DIP2C: variants seen among roughly 807,000 people sequenced by gnomAD.
The protein encoded by DIP2C is disco-interacting protein 2 homolog C.
In DIP2C, 33 loss-of-function variants were observed where a neutral mutation model predicts 192.4. The observed-to-expected ratio is 0.17, with a 90% CI of 0.13 to 0.23. The LOEUF (loss-of-function observed/expected upper bound fraction) is 0.23. DIP2C is among the 10% of genes least tolerant of loss of function. DIP2C has a pLI of 1.00. For missense variants in DIP2C, 1,537 were observed against 2,110.1 expected, an observed-to-expected ratio of 0.73 and a Z score of 5.32; for synonymous variants, 979 against 864.1, an observed-to-expected ratio of 1.13 and a Z score of -2.33.
chr10:414,421 G>T (rs1396130719), intron 7 of DIP2C, among the ~76,000 whole-genome samples: 4 of 152,180 alleles, frequency 2.6e-5, no homozygotes, highest in Non-Finnish European at 5.9e-5. Flanking sequence ...AAACAGCCAT[G>T]CTGAAATTTC....
chr10:386,794 C>T (rs765391618), intron 14 of DIP2C, among the ~76,000 whole-genome samples: 47 of 152,228 alleles, frequency 3.1e-4, no homozygotes, highest in Non-Finnish European at 6.2e-4. Context: ...GAAGCTTCAG[C>T]GTAAGAAATT....
rs1237777869 is a variant in DIP2C at position 447,970 on chromosome 10, C to T, written c.269-6974G>A. Among the ~76,000 whole-genome samples the T allele has an allele frequency of 1.1e-3, 129 of 118,794 alleles. 1 individual carries two copies. The highest frequency in any genetic ancestry group is 2.5e-3 in the Admixed American group (30 of 12,200). 77.9% of individuals were successfully genotyped at this position (118,794 alleles called of 152,430 possible). A position where few individuals can be genotyped will look rare whatever the true frequency, so the allele number is the denominator to read the frequency against. On this transcript the variant is annotated intron_variant, in intron 3 of 36. Transcript: ENST00000280886. ...TGGGGCAGCAGGACCCAATCACCCC[C>T]GTTGATATTCAGGATCACACACAGT...
In DIP2C at chr10:457,951, G is replaced by C. The variant is rs11252542; in HGVS notation, c.268+14488C>G. On this transcript the variant is annotated intron_variant, in intron 3 of 36. Transcript: ENST00000280886. Reference sequence around the variant, plus strand: ...CAGCTGCGGCCCCAGAGCAGCACGTGATGGGGACTGTCTGCAGGTCTGGCA... The same window carrying C: ...CAGCTGCGGCCCCAGAGCAGCACGTCATGGGGACTGTCTGCAGGTCTGGCA... Among the ~76,000 whole-genome samples, 18 of 152,346 alleles carry C rather than the reference G, an allele frequency of 1.2e-4. No individual in the cohort carries two copies. The East Asian group carries it at 2.9e-3, about 24-fold the overall frequency.
chr10:293,449 C>T lies in DIP2C; in HGVS notation c.3987-5028G>A, dbSNP rs1955590831. ...CTTTTACTTAATATTTTAAACTACA[C>T]CTTCTTCCAAAATTAATTTGAAGCA... On this transcript the variant is annotated intron_variant, in intron 32 of 36. Transcript: ENST00000280886. Among the ~76,000 whole-genome samples the T allele has an allele frequency of 2.6e-5, 4 of 152,298 alleles. No individual in the cohort carries two copies. In the Middle Eastern group the frequency reaches 0.01, roughly 389 times the overall value.
At chr10:616,218 T>C (rs1435856425) in intron 1 of DIP2C, among the ~76,000 whole-genome samples, 1 of 152,192 alleles carries the variant, frequency 6.6e-6, no homozygotes, top group Non-Finnish European at 1.5e-5. Context: ...CAAGCAGCCG[T>C]TTGTAATCTG....
At chr10:591,434 G>C (rs1358628203) in intron 1 of DIP2C, among the ~76,000 whole-genome samples, 2 of 152,074 alleles carry the variant, frequency 1.3e-5, no homozygotes, top group Non-Finnish European at 2.9e-5. Context: ...CATTACTGGT[G>C]TAATTTCTAA....
chr10:310,517 G>A (rs1212465238), intron 31 of DIP2C, among the ~76,000 whole-genome samples: 1 of 152,224 alleles, frequency 6.6e-6, no homozygotes, highest in Non-Finnish European at 1.5e-5. Context: ...AAGCAGATGT[G>A]TGATATGGAT....
intron 1 of DIP2C, among the ~76,000 whole-genome samples, chr10:657,046 CCACTGGACCTGA>C (rs1685247198): frequency 6.7e-6 from 1 of 150,364 alleles, no homozygotes; most frequent in Admixed American, 6.6e-5. Context: ...GCTGGACCTG[CCACTGGACCTGA>C]CACTGGACAT....
At chr10:287,321 G>A (rs3125030) in intron 33 of DIP2C, among the ~76,000 whole-genome samples, 149,478 of 152,320 alleles carry the variant, frequency 0.98, 73,405 homozygotes, top group South Asian at 1. Context: ...AGGAATCAAA[G>A]GTTTATTCTG....
chr10:688,866 C>T (rs1279183506), intron 1 of DIP2C, among the ~76,000 whole-genome samples: 2 of 152,338 alleles, frequency 1.3e-5, no homozygotes, highest in Non-Finnish European at 2.9e-5. Context: ...CCCAGCCCTC[C>T]CCGCGCAGCG....
In DIP2C at chr10:390,210, C is replaced by T. The variant is rs185265016; in HGVS notation, c.1494+54G>A. 128 of 1,597,044 alleles carry T rather than the reference C, an allele frequency of 8.0e-5. No homozygotes were observed. The East Asian group carries it at 2.2e-3, about 27-fold the overall frequency. Reference sequence around the variant, plus strand: ...CACTCGTGTAACCGTCAGAAACACACGTTAGTGCCAAGGCCACACTCAGGG... The same window carrying T: ...CACTCGTGTAACCGTCAGAAACACATGTTAGTGCCAAGGCCACACTCAGGG... On this transcript the variant is annotated intron_variant, in intron 12 of 36. Coordinates refer to ENST00000280886, the MANE Select transcript of DIP2C (RefSeq NM_014974.3).
chr10:388,397 G>A (rs1362149242), intron 13 of DIP2C, among the ~76,000 whole-genome samples: 1 of 152,196 alleles, frequency 6.6e-6, no homozygotes, highest in Admixed American at 6.5e-5. Flanking sequence ...AACAGACCTA[G>A]CTTTCTCCCG....
At chr10:480,144 T>C (rs1215127307) in intron 2 of DIP2C, among the ~76,000 whole-genome samples, 24 of 137,972 alleles carry the variant, frequency 1.7e-4, no homozygotes, top group African/African-American at 8.3e-5. Context: ...CCCCGGTCCA[T>C]ACTCACTGGA....
chr10:568,795 A>C (rs1367370585), intron 1 of DIP2C, among the ~76,000 whole-genome samples: 1 of 102,162 alleles, frequency 9.8e-6, no homozygotes, highest in South Asian at 2.5e-4. Flanking sequence ...AAAAAAAAAA[A>C]AAACCTTCAC....
chr10:417,591 GGA>G (rs1965729713), intron 6 of DIP2C, among the ~76,000 whole-genome samples: 2 of 151,386 alleles, frequency 1.3e-5, no homozygotes, highest in Admixed American at 1.3e-4. Context: ...TGCGCCTGTT[GGA>G]GCTAGGATAG....
chr10:499,218 C>T (rs549794725), intron 1 of DIP2C, among the ~76,000 whole-genome samples: 1 of 152,218 alleles, frequency 6.6e-6, no homozygotes, highest in African/African-American at 2.4e-5. Context: ...TCAATGGCTA[C>T]ACAGCTGAGG....
intron 16 of DIP2C, among the ~76,000 whole-genome samples, chr10:383,245 T>C (rs1326514887): frequency 6.6e-6 from 1 of 152,262 alleles, no homozygotes; most frequent in Non-Finnish European, 1.5e-5. Context: ...TAGCTCAGGA[T>C]TTATGAAATT....
At chr10:657,996 ACTGGACCTGACCCTGGACCTGCCC>A (rs1856495381) in intron 1 of DIP2C, among the ~76,000 whole-genome samples, 1 of 48,716 alleles carries the variant, frequency 2.1e-5, no homozygotes, top group Non-Finnish European at 4.1e-5. Context: ...TGGACCTGCC[ACTGGACCTGACCCTGGACCTGCCC>A]CTGGACCTGC....
chr10:560,634 A>G (rs1001148746), intron 1 of DIP2C, among the ~76,000 whole-genome samples: 7 of 152,238 alleles, frequency 4.6e-5, no homozygotes, highest in Admixed American at 1.3e-4. Context: ...TTTCAAATTA[A>G]TCTGCTAATA....
Sources: allele counts gnomAD v4.1 joint callset (sites outside exome capture counted in the v4.1 genomes callset), GRCh38; gene constraint gnomAD v4.1.1; transcripts MANE v1.5; gene names NCBI Gene and HGNC (gene_info 2026-07-23, HGNC 2026-07-21).